Variants in PPM1G observed in about 807,000 individuals in gnomAD.
The protein encoded by PPM1G is protein phosphatase, Mg2+/Mn2+ dependent 1G.
PPM1G carries 12 observed loss-of-function variants against 59.4 expected under a neutral mutation model. The observed-to-expected ratio is 0.20, with a 90% CI of 0.13 to 0.33. PPM1G has a LOEUF of 0.33. Among genes scored for constraint, PPM1G ranks in the 10% least tolerant of loss-of-function variants. The pLI is 1.00. For synonymous variants in PPM1G, 245 were observed against 251.9 expected, an observed-to-expected ratio of 0.97 and a Z score of 0.26; for missense variants, 392 against 681.3, an observed-to-expected ratio of 0.58 and a Z score of 4.73.
Position 27,384,596 on chromosome 2 carries a change from G to C in PPM1G, c.825+77C>G. The C allele has an allele frequency of 3.4e-6, 5 of 1,477,320 alleles. No homozygotes were observed. Among genetic ancestry groups the C allele is most frequent in the Non-Finnish European group, 4.5e-6 (5 of 1,099,078 alleles). The allele number at this position is 1,477,320 out of a possible 1,614,324, so 91.5% of individuals were successfully genotyped here. On this transcript the variant is annotated intron_variant, in intron 5 of 9. Coordinates refer to ENST00000344034, the MANE Select transcript of PPM1G (RefSeq NM_177983.3). This position sits in a 1 kb window ranked among gnomAD's most constrained non-coding sequence, Gnocchi z 4.8. The stretch of plus-strand genomic sequence containing the variant: ...GATGTCAAAATAGGAGAAGGAAAGA[G>C]AGTTGAAAACTACAGACGGCAACCA...
At chr2:27,405,801 G>A (rs1473934548) in intron 1 of PPM1G, among the ~76,000 whole-genome samples, 1 of 151,730 alleles carries the variant, frequency 6.6e-6, no homozygotes, top group Admixed American at 6.6e-5. Flanking sequence ...TCAGAAGTTC[G>A]AGACCAGCCT....
rs1305545304 is a variant in PPM1G at position 27,385,333 on chromosome 2, T to C, written c.410-245A>G. ...TAGTTACTATACTTCCCCTCTGACG[T>C]CTCATTTTTTATTGTTAAGTTGTAA... On this transcript the variant is annotated intron_variant, in intron 4 of 9. Transcript: ENST00000344034. This position sits in a 1 kb window ranked among gnomAD's most constrained non-coding sequence, Gnocchi z 4.1. The C allele has an allele frequency of 2.1e-6, 1 of 469,098 alleles. No individual in the cohort carries two copies. The highest frequency in any genetic ancestry group is 3.7e-6 in the Non-Finnish European group (1 of 269,876). The allele number at this position is 469,098 out of a possible 1,614,324, so 29.1% of individuals were successfully genotyped here. A position where few individuals can be genotyped will look rare whatever the true frequency, so the allele number is the denominator to read the frequency against.
chr2:27,405,452 GGTTTTTTTGTTT>G (rs937367734), intron 1 of PPM1G, among the ~76,000 whole-genome samples: 1 of 151,316 alleles, frequency 6.6e-6, no homozygotes, highest in African/African-American at 2.4e-5. Flanking sequence ...CAACTGTGGT[GGTTTTTTTGTTT>G]GTTTTTTTGA....
At chr2:27,403,658 G>A (rs1041653037) in intron 1 of PPM1G, among the ~76,000 whole-genome samples, 3 of 151,572 alleles carry the variant, frequency 2.0e-5, no homozygotes, top group African/African-American at 7.3e-5. Context: ...AGGCGGAGGC[G>A]GGCAGATCAC....
At position 27,409,471 on chromosome 2, in the gene PPM1G, C is replaced by T. The variant is rs1450059955; in HGVS notation, c.-49G>A. 5 of 1,426,566 alleles carry T rather than the reference C, an allele frequency of 3.5e-6. No homozygotes were observed. Among genetic ancestry groups the T allele is most frequent in the Non-Finnish European group, 4.6e-6 (5 of 1,093,960 alleles). The allele number at this position is 1,426,566 out of a possible 1,614,324, so 88.4% of individuals were successfully genotyped here. On this transcript the variant is annotated 5_prime_UTR_variant, in exon 1 of 10. Transcript: ENST00000344034. ...AGGTGCAGGAAAGCTGGGCGCGACC[C>T]GTGCCGGAGCCGAAGCCCCGGGGGT...
intron 1 of PPM1G, among the ~76,000 whole-genome samples, chr2:27,392,610 T>TG (rs1367753415): frequency 0.013 from 1,058 of 82,802 alleles, 12 homozygotes; most frequent in African/African-American, 0.056. Context: ...CATTTTTTTT[T>TG]TGGGGGGGGG....
rs200481644 is a variant in PPM1G, at chr2:27,384,765, A to C, written c.733T>G (p.Ser245Ala). 3.9e-5 allele frequency: 63 copies of C among 1,614,092 alleles called. No individual in the cohort carries two copies. The highest frequency in any genetic ancestry group is 8.5e-6 in the Non-Finnish European group (10 of 1,180,054). The change falls in exon 5 of 10, where the codon TCT becomes GCT. Residue 245 changes from serine (S) to alanine (A), a missense_variant. By Grantham distance (99) the Ser-to-Ala change is moderately conservative (BLOSUM62 1). Around this residue, in one of 6 missense-constraint regions of PPM1G, gnomAD observed 188 missense variants for 248.8 expected, o/e 0.76. Coordinates refer to ENST00000344034, the MANE Select transcript of PPM1G (RefSeq NM_177983.3). This position sits in a 1 kb window ranked among gnomAD's most constrained non-coding sequence, Gnocchi z 4.8. ...TTAGCAACTCGAGGCAGCTTGTCAG[A>C]GGCTGAAGAGCAGGAAGGCCCAGCC... Reference protein sequence around the residue: ...GEAGPSCSSASDKLPRVAKSK... With the variant: ...GEAGPSCSSAADKLPRVAKSK...
At chr2:27,399,904 A>G (rs996060509) in intron 1 of PPM1G, among the ~76,000 whole-genome samples, 2 of 151,464 alleles carry the variant, frequency 1.3e-5, no homozygotes, top group African/African-American at 2.4e-5. Flanking sequence ...ATATGAGGAC[A>G]TATTTCCACA....
intron 1 of PPM1G, among the ~76,000 whole-genome samples, chr2:27,396,844 A>G (rs914114428): frequency 4.0e-5 from 6 of 151,224 alleles, no homozygotes; most frequent in African/African-American, 1.5e-4. Flanking sequence ...AAAAGAAATG[A>G]CTAAGATGGT....
At chr2:27,408,284 C>G (rs548005999) in intron 1 of PPM1G, among the ~76,000 whole-genome samples, 1 of 152,142 alleles carries the variant, frequency 6.6e-6, no homozygotes, top group Non-Finnish European at 1.5e-5. Context: ...GAAGCCCACC[C>G]GGTAGGTGGA....
At chr2:27,388,520 A>G (rs1254753746) in intron 1 of PPM1G, among the ~76,000 whole-genome samples, 1 of 152,188 alleles carries the variant, frequency 6.6e-6, no homozygotes, top group African/African-American at 2.4e-5. Flanking sequence ...AAGCAAATAT[A>G]TGTTAATTTG....
At position 27,383,868 on chromosome 2, in the gene PPM1G, G is replaced by T; in HGVS notation, c.966+84C>A. 6.6e-7 allele frequency: 1 copy of T among 1,519,038 alleles called. No homozygotes were observed. 94.1% of individuals were successfully genotyped at this position (1,519,038 alleles called of 1,614,324 possible). A position where few individuals can be genotyped will look rare whatever the true frequency, so the allele number is the denominator to read the frequency against. ...TACTTCCATCCTAAAGTATCAGGGGGATCCCCTGTCTCAAAATCAAAATTA... is the reference window on the plus strand; with the variant it reads ...TACTTCCATCCTAAAGTATCAGGGGTATCCCCTGTCTCAAAATCAAAATTA... On this transcript the variant is annotated intron_variant, in intron 6 of 9. Transcript: ENST00000344034. The surrounding 1 kb of genome is among the most constrained non-coding windows in gnomAD (Gnocchi z 5.0).
In PPM1G at chr2:27,384,736, G is replaced by T. The variant is rs770988405; in HGVS notation, c.762C>A (p.Ser254=). ...CATCCTCACTGTCCTCAAAGAACTTGGACTTAGCAACTCGAGGCAGCTTGT... is the reference window on the plus strand; with the variant it reads ...CATCCTCACTGTCCTCAAAGAACTTTGACTTAGCAACTCGAGGCAGCTTGT... The part of the protein sequence containing the change: ...ASDKLPRVAK[S]KFFEDSEDES... Residue 254 remains serine, a synonymous_variant, in exon 5 of 10, where the codon TCC becomes TCA. Transcript: ENST00000344034. This position sits in a 1 kb window ranked among gnomAD's most constrained non-coding sequence, Gnocchi z 4.8. The T allele has an allele frequency of 6.2e-7, 1 of 1,614,162 alleles. No individual in the cohort carries two copies. The highest frequency in any genetic ancestry group is 8.5e-7 in the Non-Finnish European group (1 of 1,180,022).
intron 1 of PPM1G, chr2:27,393,381 G>C (rs893276546): frequency 2.1e-5 from 31 of 1,509,278 alleles, no homozygotes; most frequent in Admixed American, 8.5e-5. Context: ...GGCGACTAAG[G>C]AGAGGCGGCG....
At position 27,381,271 on chromosome 2, in the gene PPM1G, G is replaced by T. The variant is rs1683616729; in HGVS notation, c.*328C>A. ...ACAGAGAGCGGGTGCAAGCGGCCGAGGGCCATGGAGCCGCCAATAAAAAAG... is the reference window on the plus strand; with the variant it reads ...ACAGAGAGCGGGTGCAAGCGGCCGATGGCCATGGAGCCGCCAATAAAAAAG... On this transcript the variant is annotated 3_prime_UTR_variant, in exon 10 of 10. Coordinates refer to ENST00000344034, the MANE Select transcript of PPM1G (RefSeq NM_177983.3). 1 of 410,672 alleles carries T rather than the reference G, an allele frequency of 2.4e-6. No individual in the cohort carries two copies. Among genetic ancestry groups the T allele is most frequent in the Non-Finnish European group, 4.5e-6 (1 of 221,656 alleles). 25.4% of individuals were successfully genotyped at this position (410,672 alleles called of 1,614,324 possible). A position where few individuals can be genotyped will look rare whatever the true frequency, so the allele number is the denominator to read the frequency against.
chr2:27,384,555 G>A lies in PPM1G; in HGVS notation c.825+118C>T. 8.1e-7 allele frequency: 1 copy of A among 1,233,626 alleles called. No homozygotes were observed. Among genetic ancestry groups the A allele is most frequent in the Admixed American group, 2.3e-5 (1 of 43,844 alleles). 76.4% of individuals were successfully genotyped at this position (1,233,626 alleles called of 1,614,324 possible). A position where few individuals can be genotyped will look rare whatever the true frequency, so the allele number is the denominator to read the frequency against. ...ATTCAAGACTAAAGCTTAGAATACA[G>A]TGGGTCTTGGGGGATGATGTCAAAA... On this transcript the variant is annotated intron_variant, in intron 5 of 9. Coordinates refer to ENST00000344034, the MANE Select transcript of PPM1G (RefSeq NM_177983.3). This position sits in a 1 kb window ranked among gnomAD's most constrained non-coding sequence, Gnocchi z 4.8.
intron 1 of PPM1G, among the ~76,000 whole-genome samples, chr2:27,402,447 G>A (rs1684200884): frequency 1.3e-5 from 2 of 152,160 alleles, no homozygotes; most frequent in African/African-American, 4.8e-5. Context: ...TTGAAATCTT[G>A]AGGAATACGT....
intron 1 of PPM1G, among the ~76,000 whole-genome samples, chr2:27,395,246 AAAAAGAAAG>A (rs1684019512): frequency 6.8e-6 from 1 of 147,154 alleles, no homozygotes; most frequent in Admixed American, 6.8e-5. Context: ...AAAAAAAAAA[AAAAAGAAAG>A]AAAGAAAGAA....
Position 27,384,164 on chromosome 2 carries a change from T to G in PPM1G, c.826-72A>C, listed in dbSNP as rs1208527341. On this transcript the variant is annotated intron_variant, in intron 5 of 9. Transcript: ENST00000344034. The surrounding 1 kb of genome is among the most constrained non-coding windows in gnomAD (Gnocchi z 4.8). ...CCCTCCCCACAGCTCATACTCAGAA[T>G]CAAGAGGTCCTGACTGAACACAGGT... The G allele has an allele frequency of 6.2e-7, 1 of 1,604,348 alleles. No homozygotes were observed.
Sources: allele counts gnomAD v4.1 joint callset (sites outside exome capture counted in the v4.1 genomes callset), GRCh38; gene constraint gnomAD v4.1.1; regional missense constraint gnomAD v4.1.1; non-coding constraint Gnocchi (gnomAD v3.1); transcripts MANE v1.5; gene names NCBI Gene and HGNC (gene_info 2026-07-23, HGNC 2026-07-21).